SLC15A1: variants seen among roughly 807,000 people sequenced by gnomAD.
SLC15A1 encodes Caco-2 oligopeptide transporter.
A neutral mutation model predicts 92.9 loss-of-function variants in SLC15A1; 83 were observed. The ratio of observed to expected loss-of-function variants is 0.89; its 90% CI spans 0.75 to 1.07. The LOEUF (loss-of-function observed/expected upper bound fraction) is 1.07, where lower values mean the gene tolerates loss of function less well. Ranked by LOEUF, SLC15A1 falls within the 50% of genes least tolerant of loss-of-function variation. The probability of loss-of-function intolerance (pLI) is 0.00; values close to 1 mark genes in which losing one functional copy is unlikely to be tolerated. For missense variants in SLC15A1, 857 were observed against 880.1 expected (o/e 0.97, Z 0.33); for synonymous variants, 322 against 318.2 (o/e 1.01, Z -0.13).
At chr13:98,717,671 G>A (rs866666924) in intron 8 of SLC15A1, among the ~76,000 whole-genome samples, 1 of 152,314 alleles carries the variant, frequency 6.6e-6, no homozygotes, top group Middle Eastern at 3.4e-3. Context: ...TTAAAAAGAG[G>A]AGAATACTGA....
chr13:98,742,166 G>A (rs1175649540), intron 1 of SLC15A1, among the ~76,000 whole-genome samples: 1 of 152,218 alleles, frequency 6.6e-6, no homozygotes, highest in Non-Finnish European at 1.5e-5. Flanking sequence ...GACCCCCGAG[G>A]ATTCTGGTGA....
Position 98,715,415 on chromosome 13 carries a change from C to T in SLC15A1, c.723+463G>A, listed in dbSNP as rs148374506. Among the ~76,000 whole-genome samples the T allele has an allele frequency of 5.2e-3, 794 of 152,318 alleles. 16 individuals carry two copies. Among genetic ancestry groups the T allele is most frequent in the African/African-American group, 0.017 (720 of 41,574 alleles). ...GCCTCGAAGTCCTGATCAAGTGATCCGCCCGCCTAGGCCTCCCAAAGTGCT... is the reference window on the plus strand; with the variant it reads ...GCCTCGAAGTCCTGATCAAGTGATCTGCCCGCCTAGGCCTCCCAAAGTGCT... On this transcript the variant is annotated intron_variant, in intron 9 of 22. Transcript: ENST00000376503.
At position 98,708,756 on chromosome 13, in the gene SLC15A1, T is replaced by C. The variant is rs754373671; in HGVS notation, c.1079A>G (p.Lys360Arg). The C allele has an allele frequency of 7.4e-6, 12 of 1,611,354 alleles. No homozygotes were observed. The highest frequency in any genetic ancestry group is 1.7e-4 in the Middle Eastern group (1 of 6,056). ...KCGFNFTSLK[K>R]MAVGMVLASM... The stretch of plus-strand genomic sequence containing the variant: ...GGCCAGGACCATGCCAACTGCCATC[T>C]TCTTCAAGGAGCTGATGGCACAAGA... The change falls in exon 15 of 23, where the codon AAG becomes AGG. Residue 360 changes from lysine (K) to arginine (R), a missense_variant. Coordinates refer to ENST00000376503, the MANE Select transcript of SLC15A1 (RefSeq NM_005073.4).
chr13:98,715,618 T>G (rs2088206580), intron 9 of SLC15A1, among the ~76,000 whole-genome samples: 1 of 152,222 alleles, frequency 6.6e-6, no homozygotes, highest in Admixed American at 6.5e-5. Flanking sequence ...TTCTGCCATT[T>G]CGACAGATGA....
intron 1 of SLC15A1, among the ~76,000 whole-genome samples, chr13:98,735,843 G>GAA (rs1326184247): frequency 1.3e-5 from 2 of 152,140 alleles, no homozygotes; most frequent in Non-Finnish European, 2.9e-5. Context: ...AATAAAGGAG[G>GAA]ACACACACAA....
At chr13:98,744,260 A>G (rs1456737875) in intron 1 of SLC15A1, among the ~76,000 whole-genome samples, 2 of 150,616 alleles carry the variant, frequency 1.3e-5, no homozygotes, top group Non-Finnish European at 3.0e-5. Context: ...AAAAAAAAAA[A>G]AAAGAACCAA....
chr13:98,697,343 T>G (rs2088031041), intron 18 of SLC15A1, among the ~76,000 whole-genome samples: 3 of 152,176 alleles, frequency 2.0e-5, no homozygotes, highest in Admixed American at 2.0e-4. Context: ...TGTGAGCCAT[T>G]GCTCCTGGCC....
chr13:98,709,659 G>A lies in SLC15A1; in HGVS notation c.980C>T (p.Thr327Ile). Residue 327 changes from threonine (T) to isoleucine (I), a missense_variant and splice_region_variant, in exon 14 of 23, where the codon ACC (threonine) becomes ATC (isoleucine). By Grantham distance (89) the Thr-to-Ile change is moderately conservative. Transcript: ENST00000376503. ...GATCACGATCAGGATGGCGTTCACG[G>A]TCTGCAGAGGAAGTGGAGGAGAAAT... Reference protein sequence around the residue: ...ALEIQPDQMQTVNAILIVIMV... With the variant: ...ALEIQPDQMQIVNAILIVIMV... The A allele has an allele frequency of 4.3e-6, 7 of 1,614,182 alleles. No individual in the cohort carries two copies. The highest frequency in any genetic ancestry group is 5.9e-6 in the Non-Finnish European group (7 of 1,180,044).
intron 7 of SLC15A1, among the ~76,000 whole-genome samples, chr13:98,720,014 C>A (rs999920479): frequency 6.6e-6 from 1 of 152,044 alleles, no homozygotes; most frequent in African/African-American, 2.4e-5. Context: ...TAAGAAGTCA[C>A]GGAGATTCCT....
At chr13:98,728,977 TAAAAAAAA>T (rs71218592) in intron 1 of SLC15A1, among the ~76,000 whole-genome samples, 3 of 13,900 alleles carry the variant, frequency 2.2e-4, no homozygotes, top group Admixed American at 1.5e-3. Flanking sequence ...TAAGGCTCTG[TAAAAAAAA>T]AAAAAAAAAA....
chr13:98,724,838 C>A (rs947485885), intron 4 of SLC15A1, among the ~76,000 whole-genome samples: 5 of 152,136 alleles, frequency 3.3e-5, no homozygotes, highest in Non-Finnish European at 4.4e-5. Flanking sequence ...AGGAAGTAGA[C>A]CTTTGGTAAT....
intron 17 of SLC15A1, among the ~76,000 whole-genome samples, chr13:98,702,949 CA>C (rs2088079966): frequency 9.7e-6 from 1 of 103,056 alleles, no homozygotes; most frequent in Admixed American, 1.5e-4. Flanking sequence ...GATGGTGCAA[CA>C]GGGGGAGATC....
chr13:98,751,042 A>G (rs900972447), intron 1 of SLC15A1, among the ~76,000 whole-genome samples: 2 of 152,168 alleles, frequency 1.3e-5, no homozygotes, highest in African/African-American at 4.8e-5. Flanking sequence ...AGCGTGAGCC[A>G]CTGCGCCCGG....
chr13:98,690,220 C>T (rs1176115605), intron 18 of SLC15A1, among the ~76,000 whole-genome samples: 1 of 152,192 alleles, frequency 6.6e-6, no homozygotes, highest in Non-Finnish European at 1.5e-5. Flanking sequence ...GGCCAAGTTT[C>T]ATCAGTTTTG....
At chr13:98,700,573 T>C (rs2088059308) in intron 18 of SLC15A1, among the ~76,000 whole-genome samples, 1 of 151,506 alleles carries the variant, frequency 6.6e-6, no homozygotes, top group East Asian at 1.9e-4. Flanking sequence ...CTTCTATAGA[T>C]TGTGTTTTTG....
intron 18 of SLC15A1, among the ~76,000 whole-genome samples, chr13:98,700,568 A>G (rs1410493412): frequency 6.8e-6 from 1 of 146,914 alleles, no homozygotes; most frequent in South Asian, 2.2e-4. Flanking sequence ...TTTTTCTTCT[A>G]TAGATTGTGT....
chr13:98,738,427 G>A lies in SLC15A1; in HGVS notation c.5-11568C>T, dbSNP rs546501660. 3.3e-5 allele frequency among the ~76,000 whole-genome samples: 5 copies of A among 152,362 alleles called. No homozygotes were observed. In the South Asian group the frequency reaches 6.2e-4, roughly 19 times the overall value. On this transcript the variant is annotated intron_variant, in intron 1 of 22. Coordinates refer to ENST00000376503, the MANE Select transcript of SLC15A1 (RefSeq NM_005073.4). ...ATCTCCTCCCATCACAGGGCCCAGA[G>A]GCCTAGAAGGGAAGAATGGTTTCAT...
intron 1 of SLC15A1, among the ~76,000 whole-genome samples, chr13:98,732,998 A>G (rs924536104): frequency 6.6e-6 from 1 of 152,200 alleles, no homozygotes; most frequent in African/African-American, 2.4e-5. Context: ...TTATCCAGAC[A>G]GACCCAATAT....
intron 16 of SLC15A1, among the ~76,000 whole-genome samples, chr13:98,705,058 G>A (rs560818039): frequency 6.6e-6 from 1 of 152,200 alleles, no homozygotes; most frequent in East Asian, 1.9e-4. Context: ...AATTAGTTGG[G>A]TGTGGTGGTT....
Sources: gnomAD v4.1 joint callset for allele counts (sites outside exome capture counted in the v4.1 genomes callset) on GRCh38, gnomAD v4.1.1 for gene constraint, MANE v1.5 for transcripts, NCBI Gene and HGNC (gene_info 2026-07-23, HGNC 2026-07-21) for gene names.